MEGF11: variants seen among roughly 807,000 people sequenced by gnomAD.
MEGF11 encodes multiple EGF like domains 11, also known as multiple epidermal growth factor-like domains protein 11.
Under a neutral mutation model 146.6 loss-of-function variants are expected in MEGF11, and 126 were observed. That is an observed-to-expected ratio of 0.86 (90% CI 0.74 to 1.00). MEGF11 has a LOEUF of 1.00. MEGF11 is among the 50% of genes least tolerant of loss of function. The probability of loss-of-function intolerance (pLI) is 0.00; values close to 1 mark genes in which losing one functional copy is unlikely to be tolerated. For synonymous variants in MEGF11, 532 were observed against 583.4 expected, an observed-to-expected ratio of 0.91 and a Z score of 1.27; for missense variants, 1,509 against 1,521.2, an observed-to-expected ratio of 0.99 and a Z score of 0.13.
At chr15:66,220,742 G>C (rs771274412) in intron 1 of MEGF11, among the ~76,000 whole-genome samples, 2 of 152,094 alleles carry the variant, frequency 1.3e-5, no homozygotes, top group African/African-American at 4.8e-5. Context: ...TCACTGTGTT[G>C]CCCAGGATGG....
At chr15:66,107,605 G>A (rs2087157283) in intron 4 of MEGF11, among the ~76,000 whole-genome samples, 1 of 152,182 alleles carries the variant, frequency 6.6e-6, no homozygotes, top group African/African-American at 2.4e-5. Flanking sequence ...CATGGGACAT[G>A]GGTACAGATA....
chr15:66,130,802 A>G (rs2088616423), intron 1 of MEGF11, among the ~76,000 whole-genome samples: 1 of 151,162 alleles, frequency 6.6e-6, no homozygotes, highest in African/African-American at 2.4e-5. Context: ...CAGTGAAGAA[A>G]GAAGCCATCA....
chr15:66,094,059 G>A (rs1179429307), intron 5 of MEGF11, among the ~76,000 whole-genome samples: 2 of 152,096 alleles, frequency 1.3e-5, no homozygotes, highest in Non-Finnish European at 2.9e-5. Flanking sequence ...AGACGACGGC[G>A]ACCTCCTCAG....
intron 1 of MEGF11, among the ~76,000 whole-genome samples, chr15:66,136,187 A>G (rs2088877007): frequency 6.6e-6 from 1 of 152,220 alleles, no homozygotes; most frequent in Admixed American, 6.5e-5. Flanking sequence ...GTTTCTTGTG[A>G]GGATTAAACA....
At position 65,982,508 on chromosome 15, in the gene MEGF11, C is replaced by T; in HGVS notation, c.395-20G>A. The T allele has an allele frequency of 6.8e-7, 1 of 1,459,954 alleles. No homozygotes were observed. The highest frequency in any genetic ancestry group is 2.5e-5 in the East Asian group (1 of 39,970). 90.4% of individuals were successfully genotyped at this position (1,459,954 alleles called of 1,614,324 possible). Reference sequence around the variant, plus strand: ...CGCAGCCTGCAAGAGACGGGACAGTCAGGGATCAGGAGCCCCGAAGGCTCT... The same window carrying T: ...CGCAGCCTGCAAGAGACGGGACAGTTAGGGATCAGGAGCCCCGAAGGCTCT... On this transcript the variant is annotated intron_variant, in intron 5 of 25. Transcript: ENST00000395614. This position sits in a 1 kb window ranked among gnomAD's most constrained non-coding sequence, Gnocchi z 5.6.
chr15:66,243,637 C>A (rs1467794537), intron 1 of MEGF11, among the ~76,000 whole-genome samples: 1 of 152,162 alleles, frequency 6.6e-6, no homozygotes, highest in Non-Finnish European at 1.5e-5. Context: ...TGGAGACTGG[C>A]ATGCCATTTA....
At chr15:66,043,138 C>T (rs1241771330) in intron 5 of MEGF11, among the ~76,000 whole-genome samples, 1 of 152,216 alleles carries the variant, frequency 6.6e-6, no homozygotes, top group Non-Finnish European at 1.5e-5. Flanking sequence ...CTTGTCTTCA[C>T]ATATTGAGAG....
intron 1 of MEGF11, among the ~76,000 whole-genome samples, chr15:66,191,384 C>T (rs1010111100): frequency 2.0e-5 from 3 of 152,200 alleles, no homozygotes; most frequent in Non-Finnish European, 2.9e-5. Context: ...TGCTCTGCAT[C>T]ACATAGTTGG....
intron 5 of MEGF11, among the ~76,000 whole-genome samples, chr15:66,017,878 C>T (rs1372051897): frequency 6.6e-6 from 1 of 152,188 alleles, no homozygotes; most frequent in Non-Finnish European, 1.5e-5. Context: ...GCTGATCTAG[C>T]GGCTGCCAGG....
intron 25 of MEGF11, 133 bp downstream of exon 25, chr15:65,898,595 C>G: frequency 6.8e-7 from 1 of 1,472,894 alleles, no homozygotes; most frequent in Non-Finnish European, 9.0e-7. Context: ...AGACAGTTCA[C>G]CTTAGAGATG....
At chr15:65,949,979 C>T (rs897322315) in intron 10 of MEGF11, among the ~76,000 whole-genome samples, 5 of 152,126 alleles carry the variant, frequency 3.3e-5, no homozygotes, top group African/African-American at 4.8e-5. Flanking sequence ...AGGAGCCCTT[C>T]GCAACCCTGC....
intron 5 of MEGF11, among the ~76,000 whole-genome samples, chr15:66,079,643 G>A (rs1461445223): frequency 6.7e-6 from 1 of 149,836 alleles, no homozygotes; most frequent in East Asian, 2.0e-4. Context: ...GACAAGGAAC[G>A]AATCTCCAGG....
chr15:65,956,004 C>G (rs2080619539), intron 10 of MEGF11, among the ~76,000 whole-genome samples: 2 of 151,716 alleles, frequency 1.3e-5, no homozygotes, highest in Admixed American at 1.3e-4. Flanking sequence ...GGCAACCTGG[C>G]TTTAAAAGAC....
intron 5 of MEGF11, among the ~76,000 whole-genome samples, chr15:65,992,465 G>A (rs2082082097): frequency 1.4e-5 from 2 of 145,270 alleles, no homozygotes; most frequent in Admixed American, 6.9e-5. Context: ...GGGGGGGTTA[G>A]TCACATCCTG....
chr15:66,040,002 G>A (rs567270017), intron 5 of MEGF11, among the ~76,000 whole-genome samples: 12 of 149,818 alleles, frequency 8.0e-5, no homozygotes, highest in South Asian at 4.3e-4. Flanking sequence ...GGGTCAGGCG[G>A]CGGTGGGGTG....
intron 5 of MEGF11, among the ~76,000 whole-genome samples, chr15:66,026,903 G>C (rs546914674): frequency 1.1e-4 from 16 of 152,202 alleles, no homozygotes; most frequent in Non-Finnish European, 2.4e-4. Flanking sequence ...AGCCTTATAG[G>C]ATCAGTGGGA....
chr15:66,097,775 T>C (rs1313785453), intron 4 of MEGF11, among the ~76,000 whole-genome samples: 1 of 147,000 alleles, frequency 6.8e-6, no homozygotes, highest in East Asian at 2.0e-4. Flanking sequence ...AAAAATGCCA[T>C]CTGTTTCTTG....
intron 1 of MEGF11, among the ~76,000 whole-genome samples, chr15:66,241,254 G>A (rs1212544041): frequency 6.6e-6 from 1 of 152,252 alleles, no homozygotes; most frequent in Non-Finnish European, 1.5e-5. Flanking sequence ...GGAGGCCCAG[G>A]GAGGGGCAGT....
intron 1 of MEGF11, among the ~76,000 whole-genome samples, chr15:66,227,304 C>T (rs1053664749): frequency 3.9e-4 from 60 of 152,040 alleles, no homozygotes; most frequent in Admixed American, 1.2e-3. Flanking sequence ...CAGGATAACG[C>T]GTGGGAATTG....
Sources: gnomAD v4.1 joint callset for allele counts (sites outside exome capture counted in the v4.1 genomes callset) on GRCh38, gnomAD v4.1.1 for gene constraint, Gnocchi (gnomAD v3.1) non-coding constraint, MANE v1.5 for transcripts, NCBI Gene and HGNC (gene_info 2026-07-23, HGNC 2026-07-21) for gene names.